USP6: variants seen among roughly 807,000 people sequenced by gnomAD.
USP6 encodes ubiquitin carboxyl-terminal hydrolase 6.
A neutral mutation model predicts 175.7 loss-of-function variants in USP6; 128 were observed. That is an observed-to-expected ratio of 0.73 (90% CI 0.63 to 0.84). The LOEUF (loss-of-function observed/expected upper bound fraction) is 0.84. Among genes scored for constraint, USP6 ranks in the 40% least tolerant of loss-of-function variants. USP6 has a pLI of 0.00. For synonymous variants in USP6, 562 were observed against 630.6 expected, an observed-to-expected ratio of 0.89 and a Z score of 1.63; for missense variants, 1,498 against 1,760.3, an observed-to-expected ratio of 0.85 and a Z score of 2.67.
At chr17:5,146,965 T>C (rs2073629081) in intron 28 of USP6, 118 bp from the exon 29 acceptor site, 1 of 1,035,522 alleles carries the variant, frequency 9.7e-7, no homozygotes, top group African/African-American at 1.6e-5. Flanking sequence ...TATTCAATCA[T>C]CTCGTTGGTT....
chr17:5,137,038 G>C, intron 18 of USP6, 83 bp from the exon 19 acceptor site: 7 of 1,450,026 alleles, frequency 4.8e-6, no homozygotes, highest in Non-Finnish European at 6.8e-6. Flanking sequence ...TCTGCACTAG[G>C]GGAAAGGTCT....
In USP6 at chr17:5,139,230, C is replaced by T. The variant is rs779720762; in HGVS notation, c.1079-25C>T. 8.8e-6 allele frequency: 14 copies of T among 1,599,050 alleles called. No individual in the cohort carries two copies. In the Admixed American group the frequency reaches 2.2e-4, roughly 25 times the overall value. On this transcript the variant is annotated intron_variant, in intron 21 of 37. Coordinates refer to ENST00000574788, the MANE Select transcript of USP6 (RefSeq NM_001304284.2). ...GGCCTGCATGGGCTCACTGGAGATG[C>T]TGACCACGTCTGTTTTCCTTTCAGC...
At chr17:5,168,437 A>T (rs1258325502) in intron 34 of USP6, among the ~76,000 whole-genome samples, 1 of 152,210 alleles carries the variant, frequency 6.6e-6, no homozygotes, top group African/African-American at 2.4e-5. Context: ...GAGAGGGTGA[A>T]CTTCTGGCTC....
intron 15 of USP6, chr17:5,134,993 G>GA (rs906293415): frequency 3.1e-3 from 1,267 of 412,256 alleles, no homozygotes; most frequent in East Asian, 5.5e-3. Context: ...GTGTGCAAAA[G>GA]AAAAAAAAAA....
intron 11 of USP6, among the ~76,000 whole-genome samples, chr17:5,131,336 G>T (rs559276826): frequency 6.6e-6 from 1 of 151,280 alleles, no homozygotes; most frequent in South Asian, 2.1e-4. Flanking sequence ...AGCCCAGCCT[G>T]GAGCCCAACC....
chr17:5,118,449 G>T (rs1296109464), intron 2 of USP6, among the ~76,000 whole-genome samples, 159 bp downstream of exon 2: 1 of 152,264 alleles, frequency 6.6e-6, no homozygotes, highest in South Asian at 2.1e-4. Flanking sequence ...GGGGTCTGCG[G>T]TGCTGCCCAA....
At chr17:5,138,977 C>T (rs1350501041) in intron 21 of USP6, 2 of 1,483,540 alleles carry the variant, frequency 1.3e-6, no homozygotes, top group Non-Finnish European at 1.8e-6. Context: ...CCAGGCCCAA[C>T]AGCCCTGGGA....
rs1311429447 is a variant in USP6 at position 5,173,942 on chromosome 17, A to G, written c.*964A>G. On this transcript the variant is annotated 3_prime_UTR_variant, in exon 38 of 38. Coordinates refer to ENST00000574788, the MANE Select transcript of USP6 (RefSeq NM_001304284.2). ...TTGTTTTGCACTTTAAAAAAGAGAG[A>G]ACACATGCAAATGAACTTGCTTGTG... 1 of 218,120 alleles carries G rather than the reference A, an allele frequency of 4.6e-6. No individual in the cohort carries two copies. Among genetic ancestry groups the G allele is most frequent in the Non-Finnish European group, 9.2e-6 (1 of 108,262 alleles). The allele number at this position is 218,120 out of a possible 1,614,324, so 13.5% of individuals were successfully genotyped here. A position where few individuals can be genotyped will look rare whatever the true frequency, so the allele number is the denominator to read the frequency against.
At position 5,130,657 on chromosome 17, in the gene USP6, G is replaced by C. The variant is rs202111769; in HGVS notation, c.128G>C (p.Ser43Thr). 2.5e-6 allele frequency: 4 copies of C among 1,613,994 alleles called. No homozygotes were observed. Among genetic ancestry groups the C allele is most frequent in the Non-Finnish European group, 2.5e-6 (3 of 1,179,860 alleles). Residue 43 changes from serine (S) to threonine (T), a missense_variant, in exon 11 of 38, where the codon AGC (serine) becomes ACC (threonine). Around this residue, in one of 2 missense-constraint regions of USP6, gnomAD observed 281 missense variants for 259.6 expected, o/e 1.08. Transcript: ENST00000574788. ...DKGPEPVGIN[S>T]SIDRFGILHE... ...GGGCCTGAGCCCGTTGGAATCAACAGCAGCATTGATCGTTTTGGCATTTTG... is the reference window on the plus strand; with the variant it reads ...GGGCCTGAGCCCGTTGGAATCAACACCAGCATTGATCGTTTTGGCATTTTG...
At chr17:5,131,151 A>G (rs1453336944) in intron 11 of USP6, among the ~76,000 whole-genome samples, 2 of 151,994 alleles carry the variant, frequency 1.3e-5, no homozygotes, top group East Asian at 3.9e-4. Flanking sequence ...CACTGTCCCC[A>G]TGGGGAAGGG....
chr17:5,123,314 G>A (rs2072764727), intron 4 of USP6, among the ~76,000 whole-genome samples: 1 of 151,996 alleles, frequency 6.6e-6, no homozygotes, highest in African/African-American at 2.4e-5. Context: ...GGGGGTGGTA[G>A]AGGCAGCGCC....
In USP6 at chr17:5,166,796, T is replaced by C. The variant is rs533714055; in HGVS notation, c.3037-1136T>C. Among the ~76,000 whole-genome samples the C allele has an allele frequency of 3.9e-5, 6 of 151,960 alleles. No homozygotes were observed. The East Asian group carries it at 1.2e-3, about 29-fold the overall frequency. On this transcript the variant is annotated intron_variant, in intron 33 of 37. Coordinates refer to ENST00000574788, the MANE Select transcript of USP6 (RefSeq NM_001304284.2). Reference sequence around the variant, plus strand: ...GAAAAATTCTTTCTCTTCTGCTGCATTCTAGATCCTTCCTTCTCTCCTTCT... The same window carrying C: ...GAAAAATTCTTTCTCTTCTGCTGCACTCTAGATCCTTCCTTCTCTCCTTCT...
At chr17:5,170,343 A>G (rs2074185746) in intron 35 of USP6, 136 bp from the exon 36 acceptor site, 3 of 1,338,374 alleles carry the variant, frequency 2.2e-6, no homozygotes, top group Non-Finnish European at 3.0e-6. Flanking sequence ...ATAGGAACCA[A>G]AGGGTAGCCA....
At chr17:5,131,414 C>G (rs1057186694) in intron 11 of USP6, among the ~76,000 whole-genome samples, 5 of 150,928 alleles carry the variant, frequency 3.3e-5, no homozygotes, top group African/African-American at 1.2e-4. Context: ...GCTTATGAGG[C>G]GTGCCACTTC....
intron 33 of USP6, among the ~76,000 whole-genome samples, chr17:5,163,854 G>T (rs190039655): frequency 6.6e-6 from 1 of 152,214 alleles, no homozygotes; most frequent in East Asian, 1.9e-4. Context: ...TCCATTTTGG[G>T]TACCTAAGAG....
In USP6 at chr17:5,132,999, T is replaced by C; in HGVS notation, c.276+9T>C. 6.2e-7 allele frequency: 1 copy of C among 1,613,664 alleles called. No individual in the cohort carries two copies. Among genetic ancestry groups the C allele is most frequent in the Non-Finnish European group, 8.5e-7 (1 of 1,179,740 alleles). On this transcript the variant is annotated intron_variant, in intron 13 of 37. Transcript: ENST00000574788. The surrounding 1 kb of genome is among the most constrained non-coding windows in gnomAD (Gnocchi z 4.7). ...ATAAGCACAGTAGCAAAGTAATGTG[T>C]GGAGGGAGAGGCCCCTGGAAGCACT...
In USP6 at chr17:5,161,565, C is replaced by T. The variant is rs757898962; in HGVS notation, c.2866C>T (p.Arg956Ter). ...CMGYQYPFTLRVVQKDGNSCA... is the reference protein window; with the variant it reads ...CMGYQYPFTL Reference sequence around the variant, plus strand: ...GGGCTATCAATATCCATTCACTCTACGAGTTGTGCAGAAAGATGGGAACTC... The same window carrying T: ...GGGCTATCAATATCCATTCACTCTATGAGTTGTGCAGAAAGATGGGAACTC... The change falls in exon 32 of 38, where the codon CGA (arginine) becomes TGA (stop). Residue 956 changes from arginine (R) to a stop codon, truncating the protein, a stop_gained. Coordinates refer to ENST00000574788, the MANE Select transcript of USP6 (RefSeq NM_001304284.2). LOFTEE classifies it high-confidence loss of function. 5.6e-6 allele frequency: 9 copies of T among 1,613,846 alleles called. No individual in the cohort carries two copies. The Admixed American group carries it at 1.0e-4, about 18-fold the overall frequency.
chr17:5,139,000 G>A lies in USP6; in HGVS notation c.1079-255G>A, dbSNP rs180791758. ...AACAGCCCTGGGACGAAGGTGTGTG[G>A]CAGGAAGCCCCCAGCCAGTCTGAAC... On this transcript the variant is annotated intron_variant, in intron 21 of 37. Coordinates refer to ENST00000574788, the MANE Select transcript of USP6 (RefSeq NM_001304284.2). The A allele has an allele frequency of 3.3e-4, 498 of 1,525,112 alleles. 3 individuals are homozygous for A. In the African/African-American group the frequency reaches 4.8e-3, roughly 15 times the overall value. 94.5% of individuals were successfully genotyped at this position (1,525,112 alleles called of 1,614,324 possible).
At position 5,138,972 on chromosome 17, in the gene USP6, C is replaced by T. The variant is rs1415466652; in HGVS notation, c.1079-283C>T. ...TTCTGATGGGGGGCCATATCCCAGG[C>T]CCAACAGCCCTGGGACGAAGGTGTG... On this transcript the variant is annotated intron_variant, in intron 21 of 37. Coordinates refer to ENST00000574788, the MANE Select transcript of USP6 (RefSeq NM_001304284.2). 2.0e-6 allele frequency: 3 copies of T among 1,467,334 alleles called. No individual in the cohort carries two copies. The Admixed American group carries it at 6.1e-5, about 30-fold the overall frequency. 90.9% of individuals were successfully genotyped at this position (1,467,334 alleles called of 1,614,324 possible).
Sources: gnomAD v4.1 joint callset for allele counts (sites outside exome capture counted in the v4.1 genomes callset) on GRCh38, gnomAD v4.1.1 for gene constraint, gnomAD v4.1.1 regional missense constraint, Gnocchi (gnomAD v3.1) non-coding constraint, MANE v1.5 for transcripts, NCBI Gene and HGNC (gene_info 2026-07-23, HGNC 2026-07-21) for gene names.